The following OSBPL11 variants were observed in gnomAD, a reference collection of about 807,000 sequenced individuals.
OSBPL11 encodes oxysterol binding protein like 11.
OSBPL11 carries 33 observed loss-of-function variants against 84.4 expected under a neutral mutation model. The ratio of observed to expected loss-of-function variants is 0.39; its 90% confidence interval spans 0.30 to 0.52. The LOEUF (loss-of-function observed/expected upper bound fraction) is 0.52, where lower values mean the gene tolerates loss of function less well. OSBPL11 is among the 20% of genes least tolerant of loss of function. The pLI, the probability that OSBPL11 is intolerant of heterozygous loss-of-function variation, is 0.72. For missense variants in OSBPL11, 736 were observed against 901.1 expected, an observed-to-expected ratio of 0.82 and a Z score of 2.35; for synonymous variants, 276 against 310.2, an observed-to-expected ratio of 0.89 and a Z score of 1.16.
At chr3:125,542,375 A>T (rs11715240) in intron 10 of OSBPL11, among the ~76,000 whole-genome samples, 7,248 of 151,206 alleles carry the variant, frequency 0.048, 231 homozygotes, top group Middle Eastern at 0.071. Flanking sequence ...TGTGGAGTGC[A>T]ATGGTGCGAT....
chr3:125,565,327 T>A (rs1384402674), intron 6 of OSBPL11, among the ~76,000 whole-genome samples: 3 of 152,174 alleles, frequency 2.0e-5, no homozygotes, highest in African/African-American at 4.8e-5. Context: ...TTCATTTGAC[T>A]GAGAATTATG....
chr3:125,582,315 C>T lies in OSBPL11; in HGVS notation c.233+595G>A, dbSNP rs1434481663. Among the ~76,000 whole-genome samples the T allele has an allele frequency of 2.0e-5, 3 of 149,320 alleles. No individual in the cohort carries two copies. The Admixed American group carries it at 2.0e-4, about 10-fold the overall frequency. On this transcript the variant is annotated intron_variant, in intron 2 of 12. Transcript: ENST00000296220. The stretch of plus-strand genomic sequence containing the variant: ...ATGCCATTGCACTCCAGCTGGGTGA[C>T]AGAGCGAGACTCCGTCTCAAAAAAA...
intron 8 of OSBPL11, among the ~76,000 whole-genome samples, chr3:125,556,816 T>G (rs1935996658): frequency 1.3e-5 from 2 of 152,166 alleles, no homozygotes; most frequent in South Asian, 2.1e-4. Flanking sequence ...AACACACAAG[T>G]CAAGTAAATT....
At chr3:125,589,617 GAAA>G (rs540034650) in intron 1 of OSBPL11, among the ~76,000 whole-genome samples, 3 of 98,502 alleles carry the variant, frequency 3.0e-5, no homozygotes, top group Non-Finnish European at 2.2e-5. Flanking sequence ...CCCTGCAGAG[GAAA>G]AAAAAAAAAA....
Position 125,557,421 on chromosome 3 carries a change from G to T in OSBPL11, c.1155+2958C>A, listed in dbSNP as rs369740368. ...TTTTGAGACAGAATCTAGCTCTGTC[G>T]CCCAGGCTAGAGTGCAGTGGCGCAA... is the stretch of plus-strand genomic sequence containing the variant. On this transcript the variant is annotated intron_variant, in intron 8 of 12. Coordinates refer to ENST00000296220, the MANE Select transcript of OSBPL11 (RefSeq NM_022776.5). 8.6e-4 allele frequency among the ~76,000 whole-genome samples: 130 copies of T among 151,632 alleles called. 2 individuals carry two copies. The South Asian group carries it at 0.023, about 27-fold the overall frequency.
chr3:125,567,590 C>T lies in OSBPL11; in HGVS notation c.672G>A (p.Met224Ile), dbSNP rs2107602919. The T allele has an allele frequency of 6.2e-7, 1 of 1,613,614 alleles. No homozygotes were observed. The highest frequency in any genetic ancestry group is 8.5e-7 in the Non-Finnish European group (1 of 1,179,554). ...PDHLVEVREM[M>I]SHAEGQQRDL... ...CTCTTTGTTGTCCTTCAGCATGAGACATCATCTAAGGAAAAAACAGTTCTG... is the reference window on the plus strand; with the variant it reads ...CTCTTTGTTGTCCTTCAGCATGAGATATCATCTAAGGAAAAAACAGTTCTG... The change falls in exon 6 of 13, where the codon ATG (methionine) becomes ATA (isoleucine). Residue 224 changes from methionine (M) to isoleucine (I), a missense_variant. By Grantham distance (10) the Met-to-Ile change is conservative. Around this residue, in one of 3 missense-constraint regions of OSBPL11, gnomAD observed 579 missense variants for 717.6 expected, o/e 0.81. Transcript: ENST00000296220.
chr3:125,579,584 T>C (rs13059150), intron 3 of OSBPL11, among the ~76,000 whole-genome samples: 10,202 of 152,286 alleles, frequency 0.067, 467 homozygotes, highest in Non-Finnish European at 0.098. Flanking sequence ...AAAAATATCA[T>C]TTAAAGTCTA....
At chr3:125,578,468 G>T (rs1413401711) in intron 4 of OSBPL11, among the ~76,000 whole-genome samples, 3 of 152,176 alleles carry the variant, frequency 2.0e-5, no homozygotes, top group African/African-American at 7.2e-5. Flanking sequence ...ATTTGGCCAG[G>T]TGCGGTGGCT....
intron 1 of OSBPL11, among the ~76,000 whole-genome samples, chr3:125,592,687 G>A (rs1303105768): frequency 6.6e-6 from 1 of 151,798 alleles, no homozygotes; most frequent in Non-Finnish European, 1.5e-5. Flanking sequence ...TTGAAAAGAA[G>A]AAAAATCAAC....
intron 8 of OSBPL11, among the ~76,000 whole-genome samples, chr3:125,554,567 A>T (rs1186020450): frequency 6.6e-6 from 1 of 152,168 alleles, no homozygotes; most frequent in Admixed American, 6.5e-5. Context: ...TTCTGAGAAA[A>T]CCTCTAACTA....
Position 125,572,052 on chromosome 3 carries a change from C to T in OSBPL11, c.666+4137G>A, listed in dbSNP as rs749852086. Among the ~76,000 whole-genome samples, 18 of 152,238 alleles carry T rather than the reference C, an allele frequency of 1.2e-4. 1 individual carries two copies. The highest frequency in any genetic ancestry group is 1.9e-4 in the Non-Finnish European group (13 of 68,044). ...GGCTGTGCCCTGCAAAGCCACGGGG[C>T]GGAGCTGCCCAAGACCATGGGAACC... On this transcript the variant is annotated intron_variant, in intron 5 of 12. Transcript: ENST00000296220.
chr3:125,574,925 A>G (rs905944568), intron 5 of OSBPL11, among the ~76,000 whole-genome samples: 3 of 152,242 alleles, frequency 2.0e-5, no homozygotes, highest in Non-Finnish European at 2.9e-5. Context: ...ACAAAATACA[A>G]AAAGTTCACC....
rs775378769 is a variant in OSBPL11 at position 125,576,352 on chromosome 3, AGAG to A, written c.500_502del (p.Pro167del). 1 of 1,581,074 alleles carries A rather than the reference AGAG, an allele frequency of 6.3e-7. No individual in the cohort carries two copies. Among genetic ancestry groups the A allele is most frequent in the Non-Finnish European group, 8.5e-7 (1 of 1,170,988 alleles). ...TGCAAGTGAGAAGCTCCGTGACTTC[AGAG>A]GAGGATTATTCTGTTAGACAAAGAA... On this transcript the variant is annotated inframe_deletion, in exon 5 of 13. Transcript: ENST00000296220.
At chr3:125,585,355 C>G (rs1936489594) in intron 1 of OSBPL11, among the ~76,000 whole-genome samples, 1 of 152,030 alleles carries the variant, frequency 6.6e-6, no homozygotes, top group African/African-American at 2.4e-5. Flanking sequence ...AGGCTGGTCT[C>G]AAACTCCTAG....
Position 125,530,522 on chromosome 3 carries a change from G to A in OSBPL11, c.2237C>T (p.Ala746Val). Residue 746 changes from alanine to valine, a missense_variant, in exon 13 of 13, where the codon GCA becomes GTA. Around this residue, in one of 3 missense-constraint regions of OSBPL11, gnomAD observed 579 missense variants for 717.6 expected, o/e 0.81. Transcript: ENST00000296220. ...AGTTTTAGATAGTATGTGTCACTCT[G>A]CTGGTTGTGTTGTTGGAATTATTTT... ...LWKIIPTTQP[A>V]E is the part of the protein sequence containing the mutation. The A allele has an allele frequency of 1.2e-6, 2 of 1,613,578 alleles. No individual in the cohort carries two copies. The highest frequency in any genetic ancestry group is 1.7e-6 in the Non-Finnish European group (2 of 1,179,566).
intron 5 of OSBPL11, among the ~76,000 whole-genome samples, chr3:125,569,569 A>G (rs1198927957): frequency 6.6e-6 from 1 of 152,220 alleles, no homozygotes; most frequent in Non-Finnish European, 1.5e-5. Context: ...TCTGAAATAC[A>G]GTGTGGCAAT....
At chr3:125,566,901 G>T (rs1025674795) in intron 6 of OSBPL11, among the ~76,000 whole-genome samples, 9 of 151,938 alleles carry the variant, frequency 5.9e-5, no homozygotes, top group African/African-American at 2.2e-4. Context: ...TCCTGCCTCA[G>T]CCTCCCAAGT....
chr3:125,587,405 TG>T (rs1170788292), intron 1 of OSBPL11, among the ~76,000 whole-genome samples: 40 of 152,284 alleles, frequency 2.6e-4, no homozygotes, highest in African/African-American at 9.1e-4. Flanking sequence ...TAAGGCAGCA[TG>T]ATTAGGGCTT....
intron 10 of OSBPL11, among the ~76,000 whole-genome samples, chr3:125,543,494 A>T (rs1041290321): frequency 2.6e-5 from 4 of 152,208 alleles, no homozygotes; most frequent in African/African-American, 9.6e-5. Context: ...GTAAATTTTT[A>T]AATGTGACCA....
Sources: gnomAD v4.1 joint callset for allele counts (sites outside exome capture counted in the v4.1 genomes callset) on GRCh38, gnomAD v4.1.1 for gene constraint, gnomAD v4.1.1 regional missense constraint, MANE v1.5 for transcripts, NCBI Gene and HGNC (gene_info 2026-07-23, HGNC 2026-07-21) for gene names.